Variants in AMMECR1 observed in about 807,000 individuals in gnomAD.
The protein encoded by AMMECR1 is nuclear protein AMMECR1.
A neutral mutation model predicts 22.5 loss-of-function variants in AMMECR1; 3 were observed. The ratio of observed to expected loss-of-function variants is 0.13; its 90% CI spans 0.06 to 0.35. The LOEUF (loss-of-function observed/expected upper bound fraction) is 0.35, where lower values mean the gene tolerates loss of function less well. AMMECR1 is among the 10% of genes least tolerant of loss of function. AMMECR1 has a pLI of 1.00. For missense variants in AMMECR1, 235 were observed against 278.7 expected, an observed-to-expected ratio of 0.84 and a Z score of 1.12; for synonymous variants, 130 against 116.7, an observed-to-expected ratio of 1.11 and a Z score of -0.74.
chrX:110,281,017 C>G (rs1343877659), intron 1 of AMMECR1, among the ~76,000 whole-genome samples: 2 of 112,048 alleles, frequency 1.8e-5, no homozygotes, highest in Non-Finnish European at 3.8e-5. Context: ...TACCAAATTG[C>G]TTTCCAGAAA....
At chrX:110,340,846 TG>T (rs906497689) in intron 2 of AMMECR1, among the ~76,000 whole-genome samples, 5 of 112,444 alleles carry the variant, frequency 4.4e-5, no homozygotes, top group African/African-American at 1.3e-4. Context: ...TGCCATTTCT[TG>T]TGAAAAGGTC....
At chrX:110,270,236 T>G (rs1307913708) in intron 1 of AMMECR1, among the ~76,000 whole-genome samples, 1 of 111,246 alleles carries the variant, frequency 9.0e-6, no homozygotes, top group African/African-American at 3.3e-5. Context: ...GGTTGGGGGG[T>G]TACAATTCAG....
intron 2 of AMMECR1, chrX:110,346,954 G>A (rs111955325): frequency 1.9e-6 from 1 of 521,040 alleles, no homozygotes. Flanking sequence ...GTGGGTCGTG[G>A]GCCGTGGGTC....
chrX:110,348,253 C>T (rs190130577), intron 2 of AMMECR1, among the ~76,000 whole-genome samples: 3 of 111,953 alleles, frequency 2.7e-5, no homozygotes, highest in Non-Finnish European at 3.8e-5. Context: ...TTACTGATTT[C>T]GACTTCAGTC....
intron 2 of AMMECR1, among the ~76,000 whole-genome samples, chrX:110,330,981 T>A (rs2068118543): frequency 9.0e-6 from 1 of 110,923 alleles, no homozygotes; most frequent in African/African-American, 3.3e-5. Flanking sequence ...ACCAGTGATG[T>A]CTAAATTGCC....
chrX:110,211,453 G>A (rs1025489586), intron 3 of AMMECR1, among the ~76,000 whole-genome samples: 9 of 111,928 alleles, frequency 8.0e-5, no homozygotes, highest in African/African-American at 2.9e-4. Flanking sequence ...AGGAAACATG[G>A]CTCCCAAACA....
intron 2 of AMMECR1, among the ~76,000 whole-genome samples, chrX:110,359,585 T>G (rs968989997): frequency 9.0e-6 from 1 of 111,648 alleles, no homozygotes; most frequent in African/African-American, 3.3e-5. Flanking sequence ...AATCTAATGT[T>G]CTTGTCCATT....
At chrX:110,404,219 C>T (rs767363800) in intron 2 of AMMECR1, among the ~76,000 whole-genome samples, 1 of 111,866 alleles carries the variant, frequency 8.9e-6, no homozygotes, top group African/African-American at 3.2e-5. Flanking sequence ...CCTTATAATC[C>T]TAATACCTTT....
At chrX:110,230,352 T>C (rs759998397) in intron 2 of AMMECR1, among the ~76,000 whole-genome samples, 1 of 112,147 alleles carries the variant, frequency 8.9e-6, no homozygotes, top group East Asian at 2.8e-4. Context: ...ATATTTGCTG[T>C]TCTGTAGCCT....
intron 1 of AMMECR1, among the ~76,000 whole-genome samples, chrX:110,308,302 G>A (rs1298321897): frequency 9.0e-6 from 1 of 111,416 alleles, no homozygotes; most frequent in African/African-American, 3.3e-5. Context: ...TCCCTTTTCT[G>A]CCCTGAATCC....
At position 110,253,517 on chromosome X, in the gene AMMECR1, T is replaced by C; in HGVS notation, c.584+10972A>G. Among the ~76,000 whole-genome samples the C allele has an allele frequency of 2.7e-5, 3 of 112,939 alleles. 1 individual carries two copies. In the Middle Eastern group the frequency reaches 0.014, roughly 516 times the overall value. On this transcript the variant is annotated intron_variant, in intron 2 of 5. Transcript: ENST00000262844. Reference sequence around the variant, plus strand: ...CAGGAACATCTCAATACACAATAGATGACAACTTTAAAATGTAGGCTTTTA... The same window carrying C: ...CAGGAACATCTCAATACACAATAGACGACAACTTTAAAATGTAGGCTTTTA...
At position 110,258,340 on chromosome X, in the gene AMMECR1, G is replaced by A. The variant is rs748615251; in HGVS notation, c.584+6149C>T. Among the ~76,000 whole-genome samples, 185 of 111,720 alleles carry A rather than the reference G, an allele frequency of 1.7e-3. 1 individual carries two copies. Among genetic ancestry groups the A allele is most frequent in the Non-Finnish European group, 2.6e-3 (139 of 53,150 alleles). On this transcript the variant is annotated intron_variant, in intron 2 of 5. Coordinates refer to ENST00000262844, the MANE Select transcript of AMMECR1 (RefSeq NM_015365.3). ...CATCTCTGCACATTAGCACAACCTT[G>A]GGATAACGAAGGAGTGCATTAACCT...
intron 2 of AMMECR1, among the ~76,000 whole-genome samples, chrX:110,227,268 C>T (rs16985950): frequency 0.053 from 5,968 of 111,907 alleles, 396 homozygotes; most frequent in African/African-American, 0.19. Context: ...TGTGTCATGT[C>T]AGGCTGGTTC....
At chrX:110,410,940 A>G (rs2068637800) in intron 2 of AMMECR1, among the ~76,000 whole-genome samples, 1 of 112,209 alleles carries the variant, frequency 8.9e-6, no homozygotes, top group East Asian at 2.8e-4. Context: ...TCTTTATTTA[A>G]AATTAGGCAC....
intron 2 of AMMECR1, among the ~76,000 whole-genome samples, chrX:110,219,845 A>G (rs1356853886): frequency 8.9e-6 from 1 of 112,363 alleles, no homozygotes; most frequent in Non-Finnish European, 1.9e-5. Flanking sequence ...GTAATTTTTC[A>G]TTAAATTCAT....
In AMMECR1 at chrX:110,360,981, C is replaced by A. The variant is rs780892214; in HGVS notation, c.-147-43132G>T. ...GCTCCGATCTTCGTGGCTTAATATA[C>A]TATCTATTTGCTGATGAGTCACAAA... On this transcript the variant is annotated intron_variant, in intron 2 of 7. Transcript: ENST00000372057. 2.7e-5 allele frequency among the ~76,000 whole-genome samples: 3 copies of A among 111,481 alleles called. No individual in the cohort carries two copies. In the South Asian group the frequency reaches 1.2e-3, roughly 43 times the overall value.
chrX:110,400,219 A>G (rs900310474), intron 2 of AMMECR1, among the ~76,000 whole-genome samples: 1 of 105,639 alleles, frequency 9.5e-6, no homozygotes, highest in Non-Finnish European at 1.9e-5. Context: ...CACTGAGTAG[A>G]TATCTTGTAT....
chrX:110,351,079 G>A (rs1260644221), intron 2 of AMMECR1, among the ~76,000 whole-genome samples: 5 of 112,458 alleles, frequency 4.4e-5, no homozygotes, highest in Admixed American at 9.4e-5. Context: ...ACTATGAAAC[G>A]TTTTTGAAAG....
chrX:110,419,684 G>C (rs1027337082), intron 2 of AMMECR1, among the ~76,000 whole-genome samples: 1 of 111,657 alleles, frequency 9.0e-6, no homozygotes, highest in Non-Finnish European at 1.9e-5. Context: ...CAGACATATG[G>C]TTGCTGAGGG....
Sources: gnomAD v4.1 joint callset for allele counts (sites outside exome capture counted in the v4.1 genomes callset) on GRCh38, gnomAD v4.1.1 for gene constraint, MANE v1.5 for transcripts, NCBI Gene and HGNC (gene_info 2026-07-23, HGNC 2026-07-21) for gene names.